Variants in DOCK2 observed in about 807,000 individuals in gnomAD.
DOCK2 encodes the protein dedicator of cytokinesis protein 2.
DOCK2 carries 87 observed loss-of-function variants against 248.9 expected under a neutral mutation model. The ratio of observed to expected loss-of-function variants is 0.35; its 90% confidence interval spans 0.29 to 0.42. The LOEUF (loss-of-function observed/expected upper bound fraction) is 0.42. Among genes scored for constraint, DOCK2 ranks in the 10% least tolerant of loss-of-function variants. DOCK2 has a pLI of 1.00. For synonymous variants in DOCK2, 805 were observed against 821.6 expected (o/e 0.98, Z 0.35); for missense variants, 1,747 against 2,300.2 (o/e 0.76, Z 4.92).
At chr5:169,798,332 C>T (rs1420158946) in intron 25 of DOCK2, among the ~76,000 whole-genome samples, 2 of 152,212 alleles carry the variant, frequency 1.3e-5, no homozygotes, top group African/African-American at 4.8e-5. Context: ...AGACAGCAAC[C>T]TACTACTTGT....
chr5:169,945,970 C>T (rs1300009470), intron 27 of DOCK2, among the ~76,000 whole-genome samples: 2 of 152,192 alleles, frequency 1.3e-5, no homozygotes, highest in Non-Finnish European at 2.9e-5. Context: ...GCCAGGCAGG[C>T]TCCAGCCCTG....
intron 27 of DOCK2, among the ~76,000 whole-genome samples, chr5:169,896,356 G>A (rs1311121450): frequency 6.6e-6 from 1 of 152,156 alleles, no homozygotes; most frequent in Non-Finnish European, 1.5e-5. Context: ...TGGCATGGTG[G>A]ACAAGAGCTT....
At chr5:169,714,320 G>A in intron 18 of DOCK2, 40 bp from the exon 19 acceptor site, 1 of 1,613,674 alleles carries the variant, frequency 6.2e-7, no homozygotes, top group Non-Finnish European at 8.5e-7. Flanking sequence ...GGACAGTTAG[G>A]CCAGTAATGA....
At chr5:169,760,215 G>A (rs544231955) in intron 24 of DOCK2, among the ~76,000 whole-genome samples, 94 of 152,234 alleles carry the variant, frequency 6.2e-4, no homozygotes, top group African/African-American at 2.2e-3. Flanking sequence ...AGATGAACAC[G>A]TTATTTTAAT....
intron 27 of DOCK2, among the ~76,000 whole-genome samples, chr5:169,918,818 C>T (rs571803303): frequency 1.3e-5 from 2 of 152,264 alleles, no homozygotes; most frequent in East Asian, 1.9e-4. Context: ...GAGGCTGAGG[C>T]AGGAGGATTG....
chr5:169,778,766 C>A (rs1765528017), intron 25 of DOCK2, among the ~76,000 whole-genome samples: 1 of 152,164 alleles, frequency 6.6e-6, no homozygotes. Context: ...TGAGAGAAAC[C>A]CTGAAGGGGC....
intron 27 of DOCK2, among the ~76,000 whole-genome samples, chr5:169,859,959 TTTTTTTTTTTTTTTTTC>T (rs901852749): frequency 1.1e-4 from 3 of 27,850 alleles, no homozygotes; most frequent in Admixed American, 4.2e-4. Context: ...TGGATCCTTC[TTTTTTTTTTTTTTTTTC>T]TTTTTTTTTT....
intron 13 of DOCK2, among the ~76,000 whole-genome samples, chr5:169,701,827 AT>A (rs1277133956): frequency 1.3e-5 from 2 of 151,842 alleles, no homozygotes; most frequent in Non-Finnish European, 1.5e-5. Context: ...CAGATTTTCT[AT>A]TTTTCTTACC....
intron 27 of DOCK2, among the ~76,000 whole-genome samples, chr5:169,928,235 TAC>T (rs1775569964): frequency 1.3e-5 from 2 of 152,176 alleles, no homozygotes; most frequent in Non-Finnish European, 1.5e-5. Context: ...AGGAGGGGTC[TAC>T]AGTTATTGCT....
In DOCK2 at chr5:169,649,816, T is replaced by A. The variant is rs946260849; in HGVS notation, c.44-4587T>A. Among the ~76,000 whole-genome samples the A allele has an allele frequency of 2.0e-5, 3 of 152,078 alleles. No homozygotes were observed. The South Asian group carries it at 6.2e-4, about 32-fold the overall frequency. ...GCTAGGGATTTTTTTTTCTTTCTTT[T>A]TTTTTTTGCCGGCGTCTTGCTCTGT... On this transcript the variant is annotated intron_variant, in intron 1 of 51. Coordinates refer to ENST00000520908, the MANE Select transcript of DOCK2 (RefSeq NM_004946.3).
chr5:169,736,698 A>G (rs1000066412), intron 22 of DOCK2, among the ~76,000 whole-genome samples: 1 of 152,228 alleles, frequency 6.6e-6, no homozygotes, highest in Non-Finnish European at 1.5e-5. Flanking sequence ...TAAAGCCTGT[A>G]GCTTCCAAAA....
chr5:170,056,912 T>TC, intron 43 of DOCK2, 144 bp downstream of exon 43: 1 of 692,632 alleles, frequency 1.4e-6, no homozygotes. Flanking sequence ...TGACGTCCGT[T>TC]CCCCAATCTC....
rs576357506 is a variant in DOCK2, at chr5:170,010,478, G to T, written c.3232+1732G>T. Reference sequence around the variant, plus strand: ...GGGTCAGGAAGATGAGAAGGAGTAAGGGCCTGCGGCAGAGTGAAACTGACA... The same window carrying T: ...GGGTCAGGAAGATGAGAAGGAGTAATGGCCTGCGGCAGAGTGAAACTGACA... On this transcript the variant is annotated intron_variant, in intron 32 of 51. Coordinates refer to ENST00000520908, the MANE Select transcript of DOCK2 (RefSeq NM_004946.3). Among the ~76,000 whole-genome samples, 35 of 152,298 alleles carry T rather than the reference G, an allele frequency of 2.3e-4. No individual in the cohort carries two copies. The South Asian group carries it at 7.3e-3, about 32-fold the overall frequency.
At chr5:169,893,335 A>C (rs1426903572) in intron 27 of DOCK2, among the ~76,000 whole-genome samples, 2 of 152,196 alleles carry the variant, frequency 1.3e-5, no homozygotes, top group Non-Finnish European at 1.5e-5. Flanking sequence ...CTGCTGGCCA[A>C]TTCATCCAGC....
chr5:169,922,303 T>G (rs1273819459), intron 27 of DOCK2, among the ~76,000 whole-genome samples: 1 of 152,224 alleles, frequency 6.6e-6, no homozygotes, highest in African/African-American at 2.4e-5. Context: ...AGATGAGCCC[T>G]AATTTATGCA....
chr5:169,755,530 G>A lies in DOCK2; in HGVS notation c.2377-4175G>A, dbSNP rs922719533. 2.6e-5 allele frequency among the ~76,000 whole-genome samples: 4 copies of A among 152,204 alleles called. No individual in the cohort carries two copies. In the East Asian group the frequency reaches 7.8e-4, roughly 30 times the overall value. On this transcript the variant is annotated intron_variant, in intron 23 of 51. Coordinates refer to ENST00000520908, the MANE Select transcript of DOCK2 (RefSeq NM_004946.3). ...GGCTGAGGCGGGTGGATCACCTGAG[G>A]TCAGGGGTTTGAACCCAGACTGGCC...
At chr5:169,803,936 G>C (rs2113136010) in intron 26 of DOCK2, among the ~76,000 whole-genome samples, 1 of 152,280 alleles carries the variant, frequency 6.6e-6, no homozygotes, top group South Asian at 2.1e-4. Flanking sequence ...TCTGACCCAG[G>C]TTCCTCTGGC....
intron 21 of DOCK2, 113 bp from the exon 22 acceptor site, chr5:169,718,544 G>A: frequency 8.8e-7 from 1 of 1,135,112 alleles, no homozygotes; most frequent in African/African-American, 1.6e-5. Context: ...ATGAGTAAGT[G>A]AGCTTGGCTC....
chr5:169,804,627 G>A (rs990364523), intron 26 of DOCK2, among the ~76,000 whole-genome samples: 6 of 152,084 alleles, frequency 3.9e-5, no homozygotes, highest in South Asian at 2.1e-4. Flanking sequence ...TGCAATCTGC[G>A]CATTCTCTCT....
Sources: allele counts gnomAD v4.1 joint callset (sites outside exome capture counted in the v4.1 genomes callset), GRCh38; gene constraint gnomAD v4.1.1; transcripts MANE v1.5; gene names NCBI Gene and HGNC (gene_info 2026-07-23, HGNC 2026-07-21).